MARCHF4: variants seen among roughly 807,000 people sequenced by gnomAD.
MARCHF4 encodes membrane associated ring-CH-type finger 4.
Under a neutral mutation model 43.9 loss-of-function variants are expected in MARCHF4, and 14 were observed. That is an observed-to-expected ratio of 0.32 (90% CI 0.21 to 0.50). The LOEUF (loss-of-function observed/expected upper bound fraction) is 0.50, where lower values mean the gene tolerates loss of function less well. Ranked by LOEUF, MARCHF4 falls within the 20% of genes least tolerant of loss-of-function variation. MARCHF4 has a pLI of 0.98. For synonymous variants in MARCHF4, 226 were observed against 213.3 expected (o/e 1.06, Z -0.52); for missense variants, 468 against 536.7 (o/e 0.87, Z 1.27).
At chr2:216,361,758 T>G (rs1433866625) in intron 1 of MARCHF4, among the ~76,000 whole-genome samples, 1 of 152,164 alleles carries the variant, frequency 6.6e-6, no homozygotes, top group African/African-American at 2.4e-5. Context: ...TTTACTGTGA[T>G]GGAAGCATAG....
intron 1 of MARCHF4, among the ~76,000 whole-genome samples, chr2:216,308,444 T>A (rs1183633947): frequency 6.6e-6 from 1 of 151,842 alleles, no homozygotes; most frequent in Non-Finnish European, 1.5e-5. Flanking sequence ...TGGAGCTCTA[T>A]CCTGAACTCC....
At chr2:216,272,145 T>C (rs1289782342) in intron 3 of MARCHF4, among the ~76,000 whole-genome samples, 1 of 152,080 alleles carries the variant, frequency 6.6e-6, no homozygotes, top group Non-Finnish European at 1.5e-5. Context: ...TGAGCTACTG[T>C]GTCTGGCCTG....
intron 1 of MARCHF4, among the ~76,000 whole-genome samples, chr2:216,350,455 T>C (rs1409125351): frequency 6.6e-6 from 1 of 150,470 alleles, no homozygotes; most frequent in Non-Finnish European, 1.5e-5. Context: ...TATGCCACAC[T>C]ACCTTGCTTA....
chr2:216,261,050 G>A (rs1008205180), intron 3 of MARCHF4, among the ~76,000 whole-genome samples: 7 of 152,294 alleles, frequency 4.6e-5, no homozygotes, highest in Middle Eastern at 3.4e-3. Flanking sequence ...GCCATTTCCT[G>A]AGAAGTGGAG....
At chr2:216,288,374 T>A (rs1691252329) in intron 1 of MARCHF4, among the ~76,000 whole-genome samples, 1 of 152,226 alleles carries the variant, frequency 6.6e-6, no homozygotes. Flanking sequence ...GTAAGAACTT[T>A]AATTTCATAG....
chr2:216,349,887 T>C (rs1172264654), intron 1 of MARCHF4, among the ~76,000 whole-genome samples: 2 of 152,084 alleles, frequency 1.3e-5, no homozygotes, highest in Non-Finnish European at 2.9e-5. Context: ...AAATCTTTAT[T>C]ATGTAGGGTC....
chr2:216,296,311 A>G lies in MARCHF4; in HGVS notation c.517-12582T>C, dbSNP rs560200160. 7.0e-4 allele frequency among the ~76,000 whole-genome samples: 107 copies of G among 152,272 alleles called. 1 individual carries two copies. In the South Asian group the frequency reaches 0.022, roughly 31 times the overall value. The stretch of plus-strand genomic sequence containing the variant: ...CAGTGGGCTGAGATCGTGCCACTGC[A>G]CTCCAGTCTGGGCGACAGAGCGAGA... On this transcript the variant is annotated intron_variant, in intron 1 of 3. Coordinates refer to ENST00000273067, the MANE Select transcript of MARCHF4 (RefSeq NM_020814.3).
intron 1 of MARCHF4, among the ~76,000 whole-genome samples, chr2:216,323,325 C>T (rs968571237): frequency 3.3e-5 from 5 of 152,100 alleles, no homozygotes; most frequent in Non-Finnish European, 7.4e-5. Flanking sequence ...AATTTTATCA[C>T]CCTGAATTTC....
chr2:216,345,010 G>A (rs751241473), intron 1 of MARCHF4, among the ~76,000 whole-genome samples: 5 of 151,838 alleles, frequency 3.3e-5, no homozygotes, highest in South Asian at 2.1e-4. Context: ...GAATGTGAAC[G>A]GCTGAACCCA....
chr2:216,323,087 G>C (rs542502292), intron 1 of MARCHF4, among the ~76,000 whole-genome samples: 1 of 152,160 alleles, frequency 6.6e-6, no homozygotes, highest in Non-Finnish European at 1.5e-5. Flanking sequence ...TTTTCTGAAT[G>C]AGTGTACCTA....
chr2:216,290,961 A>G (rs1214882007), intron 1 of MARCHF4, among the ~76,000 whole-genome samples: 1 of 152,174 alleles, frequency 6.6e-6, no homozygotes, highest in Admixed American at 6.5e-5. Flanking sequence ...TCACGTAAGT[A>G]CTGAGATACA....
chr2:216,325,006 G>C (rs1256774192), intron 1 of MARCHF4, among the ~76,000 whole-genome samples: 3 of 151,872 alleles, frequency 2.0e-5, no homozygotes, highest in Non-Finnish European at 4.4e-5. Context: ...ATTCAATTAG[G>C]AGAAGAGGAA....
At position 216,369,966 on chromosome 2, in the gene MARCHF4, T is replaced by C. The variant is rs1422077021; in HGVS notation, c.295A>G (p.Arg99Gly). 6.4e-7 allele frequency: 1 copy of C among 1,568,436 alleles called. No individual in the cohort carries two copies. Among genetic ancestry groups the C allele is most frequent in the African/African-American group, 1.4e-5 (1 of 74,010 alleles). ...GWRGPREVVG[R>G]EPPPVPPPPP... is the part of the protein sequence containing the mutation. Reference sequence around the variant, plus strand: ...GGAGGTGGCACAGGAGGGGGCTCCCTGCCCACCACTTCTCGGGGGCCCCTC... The same window carrying C: ...GGAGGTGGCACAGGAGGGGGCTCCCCGCCCACCACTTCTCGGGGGCCCCTC... The change falls in exon 1 of 4, where the codon AGG becomes GGG. Residue 99 changes from arginine to glycine, a missense_variant. By Grantham distance (125) the Arg-to-Gly change is moderately radical (BLOSUM62 -2). Coordinates refer to ENST00000273067, the MANE Select transcript of MARCHF4 (RefSeq NM_020814.3).
At chr2:216,366,656 C>G (rs1692670588) in intron 1 of MARCHF4, among the ~76,000 whole-genome samples, 1 of 152,218 alleles carries the variant, frequency 6.6e-6, no homozygotes, top group Non-Finnish European at 1.5e-5. Flanking sequence ...GGTGTCAGCT[C>G]AGATGACACA....
At chr2:216,345,574 C>T (rs557700435) in intron 1 of MARCHF4, among the ~76,000 whole-genome samples, 1 of 152,240 alleles carries the variant, frequency 6.6e-6, no homozygotes, top group African/African-American at 2.4e-5. Context: ...AATACCAATG[C>T]CTGGTCCCAC....
chr2:216,300,695 A>G (rs1691480197), intron 1 of MARCHF4, among the ~76,000 whole-genome samples: 1 of 152,110 alleles, frequency 6.6e-6, no homozygotes, highest in African/African-American at 2.4e-5. Context: ...AAGCTCGAAG[A>G]TAATAATAAT....
intron 1 of MARCHF4, among the ~76,000 whole-genome samples, chr2:216,317,017 A>C (rs1691788816): frequency 6.6e-6 from 1 of 152,128 alleles, no homozygotes; most frequent in Non-Finnish European, 1.5e-5. Flanking sequence ...GAGGGAAAGG[A>C]TGAGCACTCT....
chr2:216,372,350 G>A lies in MARCHF4; in HGVS notation c.-2090C>T, dbSNP rs1358474199. On this transcript the variant is annotated 5_prime_UTR_variant, in exon 1 of 4. Coordinates refer to ENST00000273067, the MANE Select transcript of MARCHF4 (RefSeq NM_020814.3). ...CTGCATTCAGCACCCCGGGCGAGTG[G>A]ACAGCTCCCACCCAGACCCCGCGCG... Among the ~76,000 whole-genome samples, 1 of 152,176 alleles carries A rather than the reference G, an allele frequency of 6.6e-6. No homozygotes were observed. Among genetic ancestry groups the A allele is most frequent in the Non-Finnish European group, 1.5e-5 (1 of 68,022 alleles).
chr2:216,369,325 C>T (rs534917347), intron 1 of MARCHF4, among the ~76,000 whole-genome samples: 2 of 152,308 alleles, frequency 1.3e-5, no homozygotes, highest in Admixed American at 1.3e-4. Context: ...GGCATACTCT[C>T]AGAGCAGGAA....
Sources: gnomAD v4.1 joint callset for allele counts (sites outside exome capture counted in the v4.1 genomes callset) on GRCh38, gnomAD v4.1.1 for gene constraint, MANE v1.5 for transcripts, NCBI Gene and HGNC (gene_info 2026-07-23, HGNC 2026-07-21) for gene names.